MFSD2A: variants seen among roughly 807,000 people sequenced by gnomAD.
MFSD2A encodes MFSD2 lysolipid transporter A, lysophospholipid, also known as sodium-dependent lysophosphatidylcholine symporter 1.
In MFSD2A, 27 loss-of-function variants were observed where a neutral mutation model predicts 64.7. The observed-to-expected ratio is 0.42, with a 90% confidence interval of 0.31 to 0.58. The LOEUF is 0.58. MFSD2A is among the 20% of genes least tolerant of loss of function. MFSD2A has a pLI of 0.18. For missense variants in MFSD2A, 474 were observed against 679.5 expected, an observed-to-expected ratio of 0.70 and a Z score of 3.36; for synonymous variants, 258 against 273.4, an observed-to-expected ratio of 0.94 and a Z score of 0.55.
chr1:39,968,487 G>A lies in MFSD2A; in HGVS notation c.1352+10G>A, dbSNP rs750337381. 4 of 1,614,210 alleles carry A rather than the reference G, an allele frequency of 2.5e-6. No individual in the cohort carries two copies. In the Admixed American group the frequency reaches 5.0e-5, roughly 20 times the overall value. On this transcript the variant is annotated intron_variant, in intron 12 of 13. Transcript: ENST00000372811. The surrounding 1 kb of genome is among the most constrained non-coding windows in gnomAD (Gnocchi z 4.4). ...CTACCCTCAGTCTGGAGTGAGTGGG[G>A]TGGGGACCTGGGGCAGGACTGGGCA...
In MFSD2A at chr1:39,955,409, G is replaced by T; in HGVS notation, c.93+24G>T. 6.6e-7 allele frequency: 1 copy of T among 1,505,448 alleles called. No homozygotes were observed. The highest frequency in any genetic ancestry group is 2.3e-5 in the Admixed American group (1 of 44,214). The allele number at this position is 1,505,448 out of a possible 1,614,324, so 93.3% of individuals were successfully genotyped here. A position where few individuals can be genotyped will look rare whatever the true frequency, so the allele number is the denominator to read the frequency against. On this transcript the variant is annotated intron_variant, in intron 1 of 13. Transcript: ENST00000372811. This position sits in a 1 kb window ranked among gnomAD's most constrained non-coding sequence, Gnocchi z 5.9. ...AGGTGAGGGCCCGGCACCCCGCGTG[G>T]AGGGCGAGGGGAGGGAGGAGGCGGA...
chr1:39,967,196 C>CA, intron 9 of MFSD2A, 27 bp downstream of exon 9: 1 of 1,599,328 alleles, frequency 6.3e-7, no homozygotes, highest in Non-Finnish European at 8.6e-7. Context: ...CAGGGGCGGG[C>CA]AGCCTGGGCT....
intron 3 of MFSD2A, among the ~76,000 whole-genome samples, chr1:39,959,092 G>A (rs1644983037): frequency 6.6e-6 from 1 of 152,098 alleles, no homozygotes; most frequent in Non-Finnish European, 1.5e-5. Context: ...ATTCCCCTTG[G>A]TGAAGCTGGA....
Position 39,955,321 on chromosome 1 carries a change from G to A in MFSD2A, c.29G>A (p.Gly10Asp). Residue 10 changes from glycine (G) to aspartate (D), a missense_variant, in exon 1 of 14, where the codon GGC becomes GAC. Transcript: ENST00000372811. The surrounding 1 kb of genome is among the most constrained non-coding windows in gnomAD (Gnocchi z 5.9). The part of the protein sequence containing the change: MAKGEGAES[G>D]SAAGLLPTSI... ...GCCAAAGGAGAAGGCGCCGAGAGCG[G>A]CTCCGCGGCGGGGCTGCTACCCACC... 1 of 1,447,446 alleles carries A rather than the reference G, an allele frequency of 6.9e-7. No homozygotes were observed. Among genetic ancestry groups the A allele is most frequent in the Non-Finnish European group, 9.1e-7 (1 of 1,098,176 alleles). 89.7% of individuals were successfully genotyped at this position (1,447,446 alleles called of 1,614,324 possible).
Position 39,966,636 on chromosome 1 carries a change from CTG to C in MFSD2A, c.752_753del (p.Cys251TyrfsTer21), listed in dbSNP as rs774036802. On this transcript the variant is annotated frameshift_variant, in exon 7 of 14. Coordinates refer to ENST00000372811, the MANE Select transcript of MFSD2A (RefSeq NM_032793.5). LOFTEE classifies it high-confidence loss of function. The part of the protein sequence containing the change: ...AYLLAAGVIV[C>X]IYIICAVILI... ...ACCTGCTGGCAGCGGGGGTCATTGTCTGTATCTATATAATCTGTGCTGTCATC... is the reference window on the plus strand; with the variant it reads ...ACCTGCTGGCAGCGGGGGTCATTGTCTATCTATATAATCTGTGCTGTCATC... 1.2e-6 allele frequency: 2 copies of C among 1,613,920 alleles called. No homozygotes were observed.
intron 3 of MFSD2A, among the ~76,000 whole-genome samples, chr1:39,961,932 C>T (rs1312994288): frequency 1.3e-5 from 2 of 152,250 alleles, no homozygotes; most frequent in Non-Finnish European, 2.9e-5. Flanking sequence ...GTCTCCTTCC[C>T]AGCCCAGGGC....
At position 39,958,792 on chromosome 1, in the gene MFSD2A, C is replaced by T; in HGVS notation, c.320C>T (p.Ser107Phe). Residue 107 changes from serine to phenylalanine, a missense_variant, in exon 3 of 14, where the codon TCC becomes TTC. Ser to Phe is a radical substitution (Grantham distance 155). Coordinates refer to ENST00000372811, the MANE Select transcript of MFSD2A (RefSeq NM_032793.5). The surrounding 1 kb of genome is among the most constrained non-coding windows in gnomAD (Gnocchi z 4.7). ...CTGGTGGGCCTCTGCATCAGCAAAT[C>T]CCCCTGGACCTGCCTGGGTCGCCTT... ...DPLVGLCISKSPWTCLGRLMP... is the reference protein window; with the variant it reads ...DPLVGLCISKFPWTCLGRLMP... 6.2e-7 allele frequency: 1 copy of T among 1,613,296 alleles called. No homozygotes were observed. Among genetic ancestry groups the T allele is most frequent in the South Asian group, 1.1e-5 (1 of 90,992 alleles).
At chr1:39,959,920 C>G (rs779910232) in intron 3 of MFSD2A, among the ~76,000 whole-genome samples, 1 of 152,200 alleles carries the variant, frequency 6.6e-6, no homozygotes, top group Non-Finnish European at 1.5e-5. Flanking sequence ...TCAGGCCCAG[C>G]CTGCTGCATC....
chr1:39,962,802 C>A lies in MFSD2A; in HGVS notation c.354-2409C>A, dbSNP rs74067883. Reference sequence around the variant, plus strand: ...CCTGCAGGAGATCTATCTCTTCTCTCTGCCCATTAAGGGATCTGAGATCAT... The same window carrying A: ...CCTGCAGGAGATCTATCTCTTCTCTATGCCCATTAAGGGATCTGAGATCAT... On this transcript the variant is annotated intron_variant, in intron 3 of 13. Coordinates refer to ENST00000372811, the MANE Select transcript of MFSD2A (RefSeq NM_032793.5). 1.5e-3 allele frequency: 1,824 copies of A among 1,197,094 alleles called. 23 individuals carry two copies. In the African/African-American group the frequency reaches 0.024, roughly 16 times the overall value. 74.2% of individuals were successfully genotyped at this position (1,197,094 alleles called of 1,614,324 possible).
In MFSD2A at chr1:39,968,688, T is replaced by C. The variant is rs1645216730; in HGVS notation, c.1472T>C (p.Met491Thr). ...CTGCTGGGCCTGCTGCTCTTCAAAA[T>C]GTACCCCATTGATGAGGAGAGGCGG... ...LILLGLLLFKMYPIDEERRRQ... is the reference protein window; with the variant it reads ...LILLGLLLFKTYPIDEERRRQ... The change falls in exon 13 of 14, where the codon ATG (methionine) becomes ACG (threonine). Residue 491 changes from methionine to threonine, a missense_variant. Physicochemically the swap from Met to Thr is moderately conservative, Grantham distance 81. Transcript: ENST00000372811. This position sits in a 1 kb window ranked among gnomAD's most constrained non-coding sequence, Gnocchi z 4.4. The C allele has an allele frequency of 2.5e-6, 4 of 1,614,086 alleles. No homozygotes were observed. The highest frequency in any genetic ancestry group is 3.4e-6 in the Non-Finnish European group (4 of 1,180,002).
At position 39,960,141 on chromosome 1, in the gene MFSD2A, C is replaced by CAGACG; in HGVS notation, c.353+1316_353+1317insAGACG. ...AGGGGCAAAGTAGGCGGAGGTGGTG[C>CAGACG]CACGGATCGGATCAGACGGCAGGGG... On this transcript the variant is annotated intron_variant, in intron 3 of 13. Coordinates refer to ENST00000372811, the MANE Select transcript of MFSD2A (RefSeq NM_032793.5). This position sits in a 1 kb window ranked among gnomAD's most constrained non-coding sequence, Gnocchi z 4.8. 6.6e-6 allele frequency among the ~76,000 whole-genome samples: 1 copy of CAGACG among 152,240 alleles called. No homozygotes were observed. The highest frequency in any genetic ancestry group is 1.5e-5 in the Non-Finnish European group (1 of 68,026).
At position 39,955,417 on chromosome 1, in the gene MFSD2A, G is replaced by T; in HGVS notation, c.93+32G>T. On this transcript the variant is annotated intron_variant, in intron 1 of 13. Transcript: ENST00000372811. The surrounding 1 kb of genome is among the most constrained non-coding windows in gnomAD (Gnocchi z 5.9). ...GCCCGGCACCCCGCGTGGAGGGCGAGGGGAGGGAGGAGGCGGAAATGGGGG... is the reference window on the plus strand; with the variant it reads ...GCCCGGCACCCCGCGTGGAGGGCGATGGGAGGGAGGAGGCGGAAATGGGGG... 1 of 1,505,754 alleles carries T rather than the reference G, an allele frequency of 6.6e-7. No individual in the cohort carries two copies. The highest frequency in any genetic ancestry group is 1.3e-5 in the South Asian group (1 of 76,652). The allele number at this position is 1,505,754 out of a possible 1,614,324, so 93.3% of individuals were successfully genotyped here.
In MFSD2A at chr1:39,968,707, G is replaced by C. The variant is rs755667978; in HGVS notation, c.1491G>C (p.Glu497Asp). ...TCAAAATGTACCCCATTGATGAGGAGAGGCGGCGGCAGAATAAGAAGGCCC... is the reference window on the plus strand; with the variant it reads ...TCAAAATGTACCCCATTGATGAGGACAGGCGGCGGCAGAATAAGAAGGCCC... ...LLFKMYPIDE[E>D]RRRQNKKALQ... The change falls in exon 13 of 14, where the codon GAG becomes GAC. Residue 497 changes from glutamate (E) to aspartate (D), a missense_variant. Physicochemically the swap from Glu to Asp is conservative, Grantham distance 45. Transcript: ENST00000372811. This position sits in a 1 kb window ranked among gnomAD's most constrained non-coding sequence, Gnocchi z 4.4. 6.2e-7 allele frequency: 1 copy of C among 1,614,164 alleles called. No individual in the cohort carries two copies. Among genetic ancestry groups the C allele is most frequent in the East Asian group, 2.2e-5 (1 of 44,878 alleles).
Position 39,965,428 on chromosome 1 carries a change from T to G in MFSD2A, c.478-43T>G. ...GTTGGTACTGGAAGCTACATCAGTG[T>G]GTCCACCCGCCTGACCAGCCAATGA... On this transcript the variant is annotated intron_variant, in intron 4 of 13. Coordinates refer to ENST00000372811, the MANE Select transcript of MFSD2A (RefSeq NM_032793.5). The surrounding 1 kb of genome is among the most constrained non-coding windows in gnomAD (Gnocchi z 5.5). 1.2e-6 allele frequency: 2 copies of G among 1,613,496 alleles called. No individual in the cohort carries two copies. The highest frequency in any genetic ancestry group is 1.7e-6 in the Non-Finnish European group (2 of 1,179,564).
In MFSD2A at chr1:39,964,470, C is replaced by T. The variant is rs1645111127; in HGVS notation, c.354-741C>T. ...GTGGCTCAAAGGCCTTTCTCTTTAC[C>T]ATGGCCTGTGCTGCCTTGCTATACT... On this transcript the variant is annotated intron_variant, in intron 3 of 13. Transcript: ENST00000372811. This position sits in a 1 kb window ranked among gnomAD's most constrained non-coding sequence, Gnocchi z 4.1. The T allele has an allele frequency of 6.6e-6, 1 of 152,226 alleles. No homozygotes were observed. The highest frequency in any genetic ancestry group is 1.5e-5 in the Non-Finnish European group (1 of 68,060). The allele number at this position is 152,226 out of a possible 1,614,324, so 9.4% of individuals were successfully genotyped here.
rs1456837734 is a variant in MFSD2A, at chr1:39,965,959, C to T, written c.659C>T (p.Thr220Ile). The T allele has an allele frequency of 6.2e-7, 1 of 1,614,196 alleles. No homozygotes were observed. Among genetic ancestry groups the T allele is most frequent in the Non-Finnish European group, 8.5e-7 (1 of 1,180,032 alleles). ...TPCFQDLNSS[T>I]VASQSANHTH... ...TGTTTCCAGGACCTCAATAGCTCTA[C>T]AGTAGCTTCACAAAGTGCCAACCAT... The change falls in exon 6 of 14, where the codon ACA (threonine) becomes ATA (isoleucine). Residue 220 changes from threonine (T) to isoleucine (I), a missense_variant. Physicochemically the swap from Thr to Ile is moderately conservative, Grantham distance 89 (BLOSUM62 -1). Transcript: ENST00000372811. This position sits in a 1 kb window ranked among gnomAD's most constrained non-coding sequence, Gnocchi z 5.5.
chr1:39,968,609 C>A lies in MFSD2A; in HGVS notation c.1393C>A (p.Arg465Ser), dbSNP rs200295199. The change falls in exon 13 of 14, where the codon CGT becomes AGT. Residue 465 changes from arginine (R) to serine (S), a missense_variant. Physicochemically the swap from Arg to Ser is moderately radical, Grantham distance 110. Coordinates refer to ENST00000372811, the MANE Select transcript of MFSD2A (RefSeq NM_032793.5). This position sits in a 1 kb window ranked among gnomAD's most constrained non-coding sequence, Gnocchi z 4.4. ...GACCCGTGGCTGCTCGCAGCCGGAA[C>A]GTGTCAAGTTTACACTGAACATGCT... ...YQTRGCSQPE[R>S]VKFTLNMLVT... is the part of the protein sequence containing the mutation. The A allele has an allele frequency of 2.0e-4, 315 of 1,614,058 alleles. 1 individual carries two copies. Among genetic ancestry groups the A allele is most frequent in the Non-Finnish European group, 5.9e-6 (7 of 1,180,030 alleles).
Position 39,955,509 on chromosome 1 carries a change from G to A in MFSD2A, c.93+124G>A. The A allele has an allele frequency of 1.9e-6, 2 of 1,058,660 alleles. No homozygotes were observed. Among genetic ancestry groups the A allele is most frequent in the Non-Finnish European group, 2.8e-6 (2 of 712,086 alleles). 65.6% of individuals were successfully genotyped at this position (1,058,660 alleles called of 1,614,324 possible). On this transcript the variant is annotated intron_variant, in intron 1 of 13. Transcript: ENST00000372811. This position sits in a 1 kb window ranked among gnomAD's most constrained non-coding sequence, Gnocchi z 5.9. ...GGATAGCCAGGGACAGGAAGCCTACGAGCCAGAGAGGACCTGGGGGTGCCC... is the reference window on the plus strand; with the variant it reads ...GGATAGCCAGGGACAGGAAGCCTACAAGCCAGAGAGGACCTGGGGGTGCCC...
Position 39,968,380 on chromosome 1 carries a change from C to G in MFSD2A, c.1255C>G (p.His419Asp). 6.2e-7 allele frequency: 1 copy of G among 1,614,180 alleles called. No homozygotes were observed. The change falls in exon 12 of 14, where the codon CAC becomes GAC. Residue 419 changes from histidine to aspartate, a missense_variant. Coordinates refer to ENST00000372811, the MANE Select transcript of MFSD2A (RefSeq NM_032793.5). This position sits in a 1 kb window ranked among gnomAD's most constrained non-coding sequence, Gnocchi z 4.4. ...TGACGACTTCCATCTGAAGCAGCCC[C>G]ACTTCCATGGAACCGAGCCCATCTT... Reference protein sequence around the residue: ...VIDDFHLKQPHFHGTEPIFFS... With the variant: ...VIDDFHLKQPDFHGTEPIFFS...
Sources: allele counts gnomAD v4.1 joint callset (sites outside exome capture counted in the v4.1 genomes callset), GRCh38; gene constraint gnomAD v4.1.1; non-coding constraint Gnocchi (gnomAD v3.1); transcripts MANE v1.5; gene names NCBI Gene and HGNC (gene_info 2026-07-23, HGNC 2026-07-21).